Variants in NXN observed in about 807,000 individuals in gnomAD.
The protein encoded by NXN is nucleoredoxin 1.
Under a neutral mutation model 48.6 loss-of-function variants are expected in NXN, and 16 were observed. The observed-to-expected ratio is 0.33, with a 90% confidence interval of 0.22 to 0.50. The LOEUF is 0.50. Ranked by LOEUF, NXN falls within the 20% of genes least tolerant of loss-of-function variation. The pLI, the probability that NXN is intolerant of heterozygous loss-of-function variation, is 0.98. For synonymous variants in NXN, 281 were observed against 269.6 expected (o/e 1.04, Z -0.41); for missense variants, 492 against 605.5 (o/e 0.81, Z 1.97).
At chr17:951,173 CTTAAAAAA>C (rs1485722525) in intron 1 of NXN, among the ~76,000 whole-genome samples, 1 of 37,538 alleles carries the variant, frequency 2.7e-5, no homozygotes, top group Non-Finnish European at 4.5e-5. Context: ...CCTGTCTCTA[CTTAAAAAA>C]AAAAAAAAAA....
chr17:901,344 C>T (rs1461341676), intron 1 of NXN, among the ~76,000 whole-genome samples: 1 of 152,196 alleles, frequency 6.6e-6, no homozygotes. Flanking sequence ...GTATCTGGCA[C>T]AAAGGCAGAC....
At chr17:809,885 T>C (rs75840476) in intron 5 of NXN, among the ~76,000 whole-genome samples, 15,152 of 112,806 alleles carry the variant, frequency 0.13, 1,653 homozygotes, top group East Asian at 0.22. Flanking sequence ...GAGTGGCGTG[T>C]ACGTTAAGAG....
chr17:811,977 G>A (rs1286606731), intron 5 of NXN, among the ~76,000 whole-genome samples: 1 of 146,342 alleles, frequency 6.8e-6, no homozygotes, highest in Admixed American at 6.9e-5. Context: ...GCCCAGGCTG[G>A]AGTGCAGTGG....
chr17:882,753 C>A (rs2068299546), intron 1 of NXN, among the ~76,000 whole-genome samples: 1 of 150,374 alleles, frequency 6.7e-6, no homozygotes, highest in East Asian at 2.0e-4. Flanking sequence ...GCGTTAGCCA[C>A]CGCACCCGGC....
intron 1 of NXN, among the ~76,000 whole-genome samples, chr17:887,264 G>T (rs1245307865): frequency 1.3e-5 from 2 of 152,008 alleles, no homozygotes; most frequent in African/African-American, 4.8e-5. Flanking sequence ...CTAGCTGACC[G>T]GCCAGTCCTC....
chr17:818,154 G>A (rs551579112), intron 5 of NXN, among the ~76,000 whole-genome samples: 11 of 151,986 alleles, frequency 7.2e-5, no homozygotes, highest in Non-Finnish European at 1.3e-4. Context: ...CCAGCTACTC[G>A]GGAGGCTGAG....
intron 1 of NXN, among the ~76,000 whole-genome samples, chr17:964,941 C>T (rs1186730160): frequency 1.3e-5 from 2 of 152,284 alleles, no homozygotes; most frequent in Non-Finnish European, 2.9e-5. Context: ...CTCCCTCAGG[C>T]TCCATTAATG....
chr17:808,235 C>T (rs1348796084), intron 5 of NXN, among the ~76,000 whole-genome samples: 1 of 152,112 alleles, frequency 6.6e-6, no homozygotes, highest in East Asian at 1.9e-4. Flanking sequence ...CCACAGCCAC[C>T]ATTTCCCTTT....
chr17:854,913 C>T (rs955622161), intron 1 of NXN, among the ~76,000 whole-genome samples: 10 of 150,566 alleles, frequency 6.6e-5, no homozygotes, highest in African/African-American at 2.4e-4. Context: ...GAGCCAAGAT[C>T]ACACTACTGC....
intron 1 of NXN, among the ~76,000 whole-genome samples, chr17:876,478 C>T (rs113649134): frequency 2.4e-4 from 37 of 152,268 alleles, no homozygotes; most frequent in African/African-American, 7.7e-4. Flanking sequence ...ATTTAGAACA[C>T]GCTAGGCGTC....
intron 1 of NXN, among the ~76,000 whole-genome samples, chr17:965,072 G>A (rs149588975): frequency 6.6e-6 from 1 of 152,156 alleles, no homozygotes; most frequent in Non-Finnish European, 1.5e-5. Context: ...ACTCTCAACC[G>A]CACACTGACT....
At chr17:927,890 C>T (rs2068817445) in intron 1 of NXN, among the ~76,000 whole-genome samples, 1 of 152,052 alleles carries the variant, frequency 6.6e-6, no homozygotes, top group Non-Finnish European at 1.5e-5. Context: ...CGTGATGTTC[C>T]TTATACCACC....
At position 825,327 on chromosome 17, in the gene NXN, G is replaced by T. The variant is rs1913042660; in HGVS notation, c.478+634C>A. On this transcript the variant is annotated intron_variant, in intron 2 of 7. Coordinates refer to ENST00000336868, the MANE Select transcript of NXN (RefSeq NM_022463.5). The surrounding 1 kb of genome is among the most constrained non-coding windows in gnomAD (Gnocchi z 4.1). ...GGTGGCATTTTTACTGGGAAAATGT[G>T]TGAGCGGGGTTGAATCTTCTCACTG... is the stretch of plus-strand genomic sequence containing the variant. 6.6e-6 allele frequency among the ~76,000 whole-genome samples: 1 copy of T among 152,156 alleles called. No homozygotes were observed. The highest frequency in any genetic ancestry group is 2.4e-5 in the African/African-American group (1 of 41,450).
chr17:973,674 T>C (rs1049468329), intron 1 of NXN, among the ~76,000 whole-genome samples: 1 of 152,076 alleles, frequency 6.6e-6, no homozygotes, highest in Non-Finnish European at 1.5e-5. Context: ...TGGGGCAATT[T>C]TTTTTATTTA....
intron 1 of NXN, among the ~76,000 whole-genome samples, chr17:945,046 G>A (rs983695837): frequency 2.0e-5 from 3 of 152,096 alleles, no homozygotes; most frequent in African/African-American, 7.2e-5. Flanking sequence ...AACATGCCAG[G>A]CAAGTGCATG....
chr17:889,748 A>AG (rs56347006), intron 1 of NXN, among the ~76,000 whole-genome samples: 1 of 29,198 alleles, frequency 3.4e-5, no homozygotes, highest in African/African-American at 1.8e-4. Flanking sequence ...AGAAAGAAAG[A>AG]AAGAAAGAAA....
chr17:954,613 C>G (rs2069145922), intron 1 of NXN, among the ~76,000 whole-genome samples: 1 of 152,220 alleles, frequency 6.6e-6, no homozygotes, highest in South Asian at 2.1e-4. Context: ...TTCCCACGAC[C>G]CCAGGCCCCA....
rs1238501096 is a variant in NXN, at chr17:929,876, C to T, written c.360+49443G>A. On this transcript the variant is annotated intron_variant, in intron 1 of 7. Transcript: ENST00000336868. ...ATTTACACGTAACCTGTTGAACTCA[C>T]ATACTAAATTTTAAAGCTCTGCTCT... 2.0e-5 allele frequency: 3 copies of T among 150,682 alleles called. No individual in the cohort carries two copies. In the East Asian group the frequency reaches 5.9e-4, roughly 30 times the overall value. The allele number at this position is 150,682 out of a possible 1,614,324, so 9.3% of individuals were successfully genotyped here.
intron 1 of NXN, among the ~76,000 whole-genome samples, chr17:908,575 T>G (rs979215407): frequency 6.6e-6 from 1 of 152,062 alleles, no homozygotes; most frequent in Admixed American, 6.6e-5. Context: ...TGTTCTACTT[T>G]TTTGGACCGA....
Sources: allele counts gnomAD v4.1 joint callset (sites outside exome capture counted in the v4.1 genomes callset), GRCh38; gene constraint gnomAD v4.1.1; non-coding constraint Gnocchi (gnomAD v3.1); transcripts MANE v1.5; gene names NCBI Gene and HGNC (gene_info 2026-07-23, HGNC 2026-07-21).